Variants in LRRC58 observed in about 807,000 individuals in gnomAD.
The protein encoded by LRRC58 is leucine-rich repeat-containing protein 58.
LRRC58 carries 18 observed loss-of-function variants against 30.6 expected under a neutral mutation model. The ratio of observed to expected loss-of-function variants is 0.59; its 90% CI spans 0.41 to 0.87. The LOEUF (loss-of-function observed/expected upper bound fraction) is 0.87. Among genes scored for constraint, LRRC58 ranks in the 40% least tolerant of loss-of-function variants. The pLI is 0.00. For missense variants in LRRC58, 420 were observed against 468.4 expected (o/e 0.90, Z 0.95); for synonymous variants, 221 against 206.0 (o/e 1.07, Z -0.62).
At position 120,324,710 on chromosome 3, in the gene LRRC58, A is replaced by T. The variant is rs1321442467; in HGVS notation, c.*6490T>A. 1 of 151,980 alleles carries T rather than the reference A, an allele frequency of 6.6e-6. No individual in the cohort carries two copies. The highest frequency in any genetic ancestry group is 1.5e-5 in the Non-Finnish European group (1 of 68,010). 9.4% of individuals were successfully genotyped at this position (151,980 alleles called of 1,614,324 possible). A position where few individuals can be genotyped will look rare whatever the true frequency, so the allele number is the denominator to read the frequency against. ...TGTACGTCCTGGGGGAGGGGGAAGAAGGTGGTAGAATTGAAGTAGCCCATA... is the reference window on the plus strand; with the variant it reads ...TGTACGTCCTGGGGGAGGGGGAAGATGGTGGTAGAATTGAAGTAGCCCATA... On this transcript the variant is annotated 3_prime_UTR_variant, in exon 4 of 4. Coordinates refer to ENST00000295628, the MANE Select transcript of LRRC58 (RefSeq NM_001099678.2).
intron 1 of LRRC58, among the ~76,000 whole-genome samples, chr3:120,337,013 G>T (rs1285962534): frequency 6.6e-6 from 1 of 151,922 alleles, no homozygotes; most frequent in Non-Finnish European, 1.5e-5. Context: ...AAATGTGGGA[G>T]AAAACAGCCT....
chr3:120,327,298 C>G lies in LRRC58; in HGVS notation c.*3902G>C, dbSNP rs1316631039. 3 of 131,308 alleles carry G rather than the reference C, an allele frequency of 2.3e-5. No homozygotes were observed. The highest frequency in any genetic ancestry group is 8.8e-5 in the African/African-American group (3 of 34,062). 8.1% of individuals were successfully genotyped at this position (131,308 alleles called of 1,614,324 possible). Reference sequence around the variant, plus strand: ...ACGGAGTCTCGCTCTGTGGCCCAGGCGGGAGTGCAGTGGCGCAATCTCGGC... The same window carrying G: ...ACGGAGTCTCGCTCTGTGGCCCAGGGGGGAGTGCAGTGGCGCAATCTCGGC... On this transcript the variant is annotated 3_prime_UTR_variant, in exon 4 of 4. Transcript: ENST00000295628.
Position 120,330,946 on chromosome 3 carries a change from C to G in LRRC58, c.*254G>C. The G allele has an allele frequency of 2.2e-6, 1 of 454,912 alleles. No homozygotes were observed. The highest frequency in any genetic ancestry group is 4.0e-6 in the Non-Finnish European group (1 of 249,558). 28.2% of individuals were successfully genotyped at this position (454,912 alleles called of 1,614,324 possible). ...ATTCTGCTTTGTGATTCATGCAAAACTTGAGTGAAAACTGCAAACCATCAG... is the reference window on the plus strand; with the variant it reads ...ATTCTGCTTTGTGATTCATGCAAAAGTTGAGTGAAAACTGCAAACCATCAG... On this transcript the variant is annotated 3_prime_UTR_variant, in exon 4 of 4. Coordinates refer to ENST00000295628, the MANE Select transcript of LRRC58 (RefSeq NM_001099678.2).
intron 1 of LRRC58, among the ~76,000 whole-genome samples, chr3:120,343,375 CTG>C (rs1212607463): frequency 2.0e-5 from 3 of 152,108 alleles, no homozygotes; most frequent in Admixed American, 6.5e-5. Context: ...AGAAAGGAAA[CTG>C]TTGTTGAATT....
Position 120,349,325 on chromosome 3 carries a change from G to T in LRRC58, c.-82C>A. The T allele has an allele frequency of 7.7e-7, 1 of 1,298,210 alleles. No homozygotes were observed. 80.4% of individuals were successfully genotyped at this position (1,298,210 alleles called of 1,614,324 possible). A position where few individuals can be genotyped will look rare whatever the true frequency, so the allele number is the denominator to read the frequency against. ...GAGGCCGGGAGCTCTGCGGCGCCCC[G>T]GAACCTGAACCGAGGGCTGAGTCGG... is the stretch of plus-strand genomic sequence containing the variant. On this transcript the variant is annotated 5_prime_UTR_variant, in exon 1 of 4. Coordinates refer to ENST00000295628, the MANE Select transcript of LRRC58 (RefSeq NM_001099678.2).
chr3:120,345,316 T>A (rs530060723), intron 1 of LRRC58, among the ~76,000 whole-genome samples: 1 of 152,306 alleles, frequency 6.6e-6, no homozygotes, highest in South Asian at 2.1e-4. Flanking sequence ...ATAATTGCTC[T>A]TACAGAGGAC....
intron 2 of LRRC58, 30 bp from the exon 3 acceptor site, chr3:120,335,169 G>T: frequency 6.3e-7 from 1 of 1,585,642 alleles, no homozygotes. Context: ...AAAATCAATG[G>T]CAGTAAACAA....
chr3:120,346,487 CT>C lies in LRRC58; in HGVS notation c.500+2256del, dbSNP rs75949823. ...CCTCTGAAAAATGGGAGCACATCAT[CT>C]TATGGCATCATTGTGAGTATTAAAA... is the stretch of plus-strand genomic sequence containing the variant. On this transcript the variant is annotated intron_variant, in intron 1 of 3. Transcript: ENST00000295628. Among the ~76,000 whole-genome samples the C allele has an allele frequency of 1.3e-4, 20 of 152,274 alleles. No homozygotes were observed. The East Asian group carries it at 3.9e-3, about 29-fold the overall frequency.
At chr3:120,348,097 G>A (rs1362442746) in intron 1 of LRRC58, among the ~76,000 whole-genome samples, 2 of 152,184 alleles carry the variant, frequency 1.3e-5, no homozygotes, top group African/African-American at 2.4e-5. Flanking sequence ...GAATCACAGA[G>A]ATGATTAACT....
chr3:120,349,201 C>A lies in LRRC58; in HGVS notation c.43G>T (p.Glu15Ter). 6.9e-7 allele frequency: 1 copy of A among 1,449,362 alleles called. No individual in the cohort carries two copies. Among genetic ancestry groups the A allele is most frequent in the South Asian group, 1.4e-5 (1 of 73,908 alleles). The allele number at this position is 1,449,362 out of a possible 1,614,324, so 89.8% of individuals were successfully genotyped here. A position where few individuals can be genotyped will look rare whatever the true frequency, so the allele number is the denominator to read the frequency against. ...GAAVVTAGEA[E>*]LNWSRLSVST... The stretch of plus-strand genomic sequence containing the variant: ...ACGCTGAGGCGGGACCAGTTCAGTT[C>A]GGCCTCCCCGGCCGTGACCACCGCT... Residue 15 changes from glutamate (E) to a stop codon, truncating the protein, a stop_gained, in exon 1 of 4, where the codon GAA becomes TAA. Coordinates refer to ENST00000295628, the MANE Select transcript of LRRC58 (RefSeq NM_001099678.2). LOFTEE classifies it high-confidence loss of function.
In LRRC58 at chr3:120,349,334, A is replaced by T; in HGVS notation, c.-91T>A. 1 of 1,260,348 alleles carries T rather than the reference A, an allele frequency of 7.9e-7. No individual in the cohort carries two copies. Among genetic ancestry groups the T allele is most frequent in the African/African-American group, 1.6e-5 (1 of 63,488 alleles). 78.1% of individuals were successfully genotyped at this position (1,260,348 alleles called of 1,614,324 possible). ...AGCTCTGCGGCGCCCCGGAACCTGA[A>T]CCGAGGGCTGAGTCGGAAGTGGCGC... On this transcript the variant is annotated 5_prime_UTR_variant, in exon 1 of 4. Coordinates refer to ENST00000295628, the MANE Select transcript of LRRC58 (RefSeq NM_001099678.2).
rs72956880 is a variant in LRRC58 at position 120,333,873 on chromosome 3, A to T, written c.907+989T>A. Among the ~76,000 whole-genome samples the T allele has an allele frequency of 9.3e-3, 1,416 of 152,346 alleles. 25 individuals are homozygous for T. Among genetic ancestry groups the T allele is most frequent in the African/African-American group, 0.033 (1,370 of 41,564 alleles). The stretch of plus-strand genomic sequence containing the variant: ...CTTCTGTCTCCACTTTGTACTCGCC[A>T]TCTGAAAAATTTCCTATCCTCAATT... On this transcript the variant is annotated intron_variant, in intron 3 of 3. Transcript: ENST00000295628.
At chr3:120,346,626 T>C (rs1935971870) in intron 1 of LRRC58, among the ~76,000 whole-genome samples, 2 of 152,202 alleles carry the variant, frequency 1.3e-5, no homozygotes, top group Admixed American at 1.3e-4. Context: ...TGGGTTCCTG[T>C]TAGTATATTA....
At position 120,335,074 on chromosome 3, in the gene LRRC58, A is replaced by G. The variant is rs543950895; in HGVS notation, c.695T>C (p.Leu232Pro). 4.1e-5 allele frequency: 66 copies of G among 1,613,996 alleles called. No homozygotes were observed. The South Asian group carries it at 6.1e-4, about 15-fold the overall frequency. The change falls in exon 3 of 4, where the codon CTC (leucine) becomes CCC (proline). Residue 232 changes from leucine (L) to proline (P), a missense_variant. Coordinates refer to ENST00000295628, the MANE Select transcript of LRRC58 (RefSeq NM_001099678.2). ...NLLTYLPREI[L>P]NLIHLEELSL... ...CAACTCTTCCAAATGAATAAGGTTG[A>G]GGATCTCTCGAGGCAGATATGTCAG... is the stretch of plus-strand genomic sequence containing the variant.
In LRRC58 at chr3:120,324,530, T is replaced by C. The variant is rs1210980585; in HGVS notation, c.*6670A>G. ...AGAGTCAATGTTAGTACATATTTAATGTATGTATTCAATGATGTAACAAGT... is the reference window on the plus strand; with the variant it reads ...AGAGTCAATGTTAGTACATATTTAACGTATGTATTCAATGATGTAACAAGT... On this transcript the variant is annotated 3_prime_UTR_variant, in exon 4 of 4. Transcript: ENST00000295628. 6 of 152,208 alleles carry C rather than the reference T, an allele frequency of 3.9e-5. No homozygotes were observed. The highest frequency in any genetic ancestry group is 6.5e-5 in the Admixed American group (1 of 15,282). 9.4% of individuals were successfully genotyped at this position (152,208 alleles called of 1,614,324 possible).
At chr3:120,331,451 G>C in intron 3 of LRRC58, 43 bp from the exon 4 acceptor site, 8 of 1,476,132 alleles carry the variant, frequency 5.4e-6, no homozygotes, top group African/African-American at 1.4e-5. Context: ...ACAAAGCAAG[G>C]AATCAATTTC....
rs1936019235 is a variant in LRRC58 at position 120,349,107 on chromosome 3, A to G, written c.137T>C (p.Leu46Pro). 2 of 1,511,432 alleles carry G rather than the reference A, an allele frequency of 1.3e-6. No individual in the cohort carries two copies. The highest frequency in any genetic ancestry group is 1.8e-6 in the Non-Finnish European group (2 of 1,138,576). The allele number at this position is 1,511,432 out of a possible 1,614,324, so 93.6% of individuals were successfully genotyped here. A position where few individuals can be genotyped will look rare whatever the true frequency, so the allele number is the denominator to read the frequency against. Residue 46 changes from leucine to proline, a missense_variant, in exon 1 of 4, where the codon CTG becomes CCG. Leu to Pro is a moderately conservative substitution (Grantham distance 98). Transcript: ENST00000295628. Reference sequence around the variant, plus strand: ...GTTGTGAGGCAGCAGCAGCCGCAGCAGCGCCTCCCGCGCCCCGCGCCGCTC... The same window carrying G: ...GTTGTGAGGCAGCAGCAGCCGCAGCGGCGCCTCCCGCGCCCCGCGCCGCTC... ...GEERRGAREA[L>P]LRLLLPHNRL...
chr3:120,344,793 T>A (rs949571207), intron 1 of LRRC58, among the ~76,000 whole-genome samples: 6 of 152,232 alleles, frequency 3.9e-5, no homozygotes, highest in African/African-American at 1.4e-4. Context: ...TGATAAGCTA[T>A]TAAGCTCTTC....
chr3:120,338,620 A>C (rs1935865447), intron 1 of LRRC58, among the ~76,000 whole-genome samples: 1 of 152,248 alleles, frequency 6.6e-6, no homozygotes, highest in East Asian at 1.9e-4. Context: ...TAAATGACTG[A>C]GTACAAACCC....
Sources: gnomAD v4.1 joint callset for allele counts (sites outside exome capture counted in the v4.1 genomes callset) on GRCh38, gnomAD v4.1.1 for gene constraint, MANE v1.5 for transcripts, NCBI Gene and HGNC (gene_info 2026-07-23, HGNC 2026-07-21) for gene names.